The following COL4A2 variants were observed in gnomAD, a reference collection of about 807,000 sequenced individuals.
COL4A2 encodes collagen alpha-2(IV) chain.
A neutral mutation model predicts 200.2 loss-of-function variants in COL4A2; 99 were observed. That is an observed-to-expected ratio of 0.49 (90% CI 0.42 to 0.58). The LOEUF (loss-of-function observed/expected upper bound fraction) is 0.58. COL4A2 is among the 20% of genes least tolerant of loss of function. The probability of loss-of-function intolerance (pLI) is 0.00; values close to 1 mark genes in which losing one functional copy is unlikely to be tolerated. For synonymous variants in COL4A2, 897 were observed against 900.6 expected, an observed-to-expected ratio of 1.00 and a Z score of 0.07; for missense variants, 1,950 against 2,314.1, an observed-to-expected ratio of 0.84 and a Z score of 3.23.
At chr13:110,456,774 T>G (rs1881749430) in intron 20 of COL4A2, 1 of 476,606 alleles carries the variant, frequency 2.1e-6, no homozygotes, top group Non-Finnish European at 4.3e-6. Context: ...TGCTGGTGCC[T>G]CACAACTGGG....
intron 4 of COL4A2, among the ~76,000 whole-genome samples, chr13:110,358,341 G>T (rs1490918575): frequency 6.6e-6 from 1 of 152,116 alleles, no homozygotes; most frequent in Non-Finnish European, 1.5e-5. Context: ...GGTCTTCGGG[G>T]CAATAACACG....
chr13:110,444,659 T>G (rs1348127148), intron 16 of COL4A2, among the ~76,000 whole-genome samples: 1 of 152,252 alleles, frequency 6.6e-6, no homozygotes, highest in Non-Finnish European at 1.5e-5. Flanking sequence ...GAATGGACCT[T>G]TCTTATACCT....
intron 45 of COL4A2, among the ~76,000 whole-genome samples, chr13:110,505,155 C>T (rs192007231): frequency 0.039 from 5,849 of 151,050 alleles, 136 homozygotes; most frequent in Non-Finnish European, 0.049. Context: ...TCGAGACCAT[C>T]CTGGCTAACA....
intron 16 of COL4A2, among the ~76,000 whole-genome samples, chr13:110,442,051 A>G (rs1350155374): frequency 2.3e-5 from 3 of 130,920 alleles, no homozygotes; most frequent in Admixed American, 9.3e-5. Flanking sequence ...GCACCACTGC[A>G]CTCCAGCCTG....
At chr13:110,398,892 AAAG>A (rs1397964684) in intron 4 of COL4A2, among the ~76,000 whole-genome samples, 1 of 152,150 alleles carries the variant, frequency 6.6e-6, no homozygotes, top group Non-Finnish European at 1.5e-5. Context: ...CAAGTCAAAA[AAAG>A]TATTTTTAGC....
In COL4A2 at chr13:110,503,616, AG is replaced by A. The variant is rs1883729319; in HGVS notation, c.4138+137del. On this transcript the variant is annotated intron_variant, in intron 43 of 47. Transcript: ENST00000360467. ...GTTGTAAAGAGCAGGGAGGAAACCA[AG>A]GCTGTGCCTCGGATGTTGTCACAGG... 12 of 719,246 alleles carry A rather than the reference AG, an allele frequency of 1.7e-5. No homozygotes were observed. In the Admixed American group the frequency reaches 2.6e-4, roughly 16 times the overall value. 44.6% of individuals were successfully genotyped at this position (719,246 alleles called of 1,614,324 possible). A position where few individuals can be genotyped will look rare whatever the true frequency, so the allele number is the denominator to read the frequency against.
chr13:110,458,401 C>G (rs1881865411), intron 21 of COL4A2: 1 of 311,912 alleles, frequency 3.2e-6, no homozygotes, highest in African/African-American at 2.3e-5. Context: ...CTCCCTGGAG[C>G]CGGCTCCTCC....
intron 4 of COL4A2, among the ~76,000 whole-genome samples, chr13:110,375,395 G>T (rs751161253): frequency 1.3e-5 from 2 of 152,170 alleles, no homozygotes; most frequent in Admixed American, 1.3e-4. Flanking sequence ...TGGAACTTCC[G>T]CAACAGTCAT....
At chr13:110,450,864 C>A (rs913574086) in intron 20 of COL4A2, among the ~76,000 whole-genome samples, 1 of 152,208 alleles carries the variant, frequency 6.6e-6, no homozygotes, top group Non-Finnish European at 1.5e-5. Flanking sequence ...GACTGGCAGC[C>A]TCTCTCCTGT....
chr13:110,419,625 C>T (rs1566522825), intron 4 of COL4A2, among the ~76,000 whole-genome samples: 2 of 152,194 alleles, frequency 1.3e-5, no homozygotes, highest in Non-Finnish European at 2.9e-5. Flanking sequence ...CGCATTCTCT[C>T]CACGGTCGTG....
chr13:110,512,008 C>T lies in COL4A2; in HGVS notation c.4956C>T (p.Ala1652=), dbSNP rs1274567834. 1 of 1,613,582 alleles carries T rather than the reference C, an allele frequency of 6.2e-7. No homozygotes were observed. The change falls in exon 48 of 48, where the codon GCC becomes GCT. Residue 1652 remains alanine (A), a synonymous_variant. Coordinates refer to ENST00000360467, the MANE Select transcript of COL4A2 (RefSeq NM_001846.4). ...SPGSCLEDFR[A]TPFIECNGGR... ...GCAGCTGTCTAGAGGACTTCCGCGC[C>T]ACACCATTCATCGAATGCAATGGAG...
intron 4 of COL4A2, among the ~76,000 whole-genome samples, chr13:110,401,960 A>C (rs554488070): frequency 6.2e-4 from 95 of 152,222 alleles, no homozygotes; most frequent in Non-Finnish European, 1.1e-3. Flanking sequence ...TAATGACCTA[A>C]TCACTTCCCA....
In COL4A2 at chr13:110,416,248, C is replaced by T. The variant is rs577292408; in HGVS notation, c.181-8486C>T. Among the ~76,000 whole-genome samples, 7 of 152,356 alleles carry T rather than the reference C, an allele frequency of 4.6e-5. No individual in the cohort carries two copies. The East Asian group carries it at 1.4e-3, about 29-fold the overall frequency. On this transcript the variant is annotated intron_variant, in intron 4 of 47. Transcript: ENST00000360467. ...AGAAAGAGCGTTTCATACCCATTCG[C>T]GGCCTGACAGCCAAAGCTCTCTGCA...
intron 3 of COL4A2, among the ~76,000 whole-genome samples, chr13:110,347,385 A>G (rs1359578657): frequency 6.6e-6 from 1 of 152,202 alleles, no homozygotes; most frequent in East Asian, 1.9e-4. Context: ...GCCCTGTGCA[A>G]GGGTGCCATC....
chr13:110,449,001 C>T (rs1881432926), intron 18 of COL4A2, among the ~76,000 whole-genome samples: 1 of 152,218 alleles, frequency 6.6e-6, no homozygotes, highest in Non-Finnish European at 1.5e-5. Flanking sequence ...ACGCCATACA[C>T]GGAAGTCAGG....
chr13:110,429,494 T>C (rs1880595078), intron 7 of COL4A2, among the ~76,000 whole-genome samples: 1 of 152,222 alleles, frequency 6.6e-6, no homozygotes, highest in African/African-American at 2.4e-5. Context: ...AATGACCCAG[T>C]ATCTATTCTG....
rs192752677 is a variant in COL4A2 at position 110,489,406 on chromosome 13, C to T, written c.3208-39C>T. On this transcript the variant is annotated intron_variant, in intron 34 of 47. Transcript: ENST00000360467. ...CTAACTTCAGAGTTACAACTGACTT[C>T]GCTAACAGCCTTCTAAGATGGTTCA... The T allele has an allele frequency of 6.3e-5, 101 of 1,600,250 alleles. No individual in the cohort carries two copies. The East Asian group carries it at 8.5e-4, about 13-fold the overall frequency.
chr13:110,504,347 C>A, intron 45 of COL4A2, 83 bp downstream of exon 45: 4 of 1,185,696 alleles, frequency 3.4e-6, no homozygotes, highest in Non-Finnish European at 3.7e-6. Context: ...GAAGGGGACA[C>A]ACGAGAGCCC....
chr13:110,375,769 G>C (rs1878210462), intron 4 of COL4A2, among the ~76,000 whole-genome samples: 1 of 152,028 alleles, frequency 6.6e-6, no homozygotes, highest in African/African-American at 2.4e-5. Context: ...GTCGGAGGCT[G>C]CAGTGAGCCA....
Sources: allele counts gnomAD v4.1 joint callset (sites outside exome capture counted in the v4.1 genomes callset), GRCh38; gene constraint gnomAD v4.1.1; transcripts MANE v1.5; gene names NCBI Gene and HGNC (gene_info 2026-07-23, HGNC 2026-07-21).